The following CCNY variants were observed in gnomAD, a reference collection of about 807,000 sequenced individuals.
CCNY encodes the protein cyclin Y.
A neutral mutation model predicts 42.8 loss-of-function variants in CCNY; 19 were observed. That is an observed-to-expected ratio of 0.44 (90% CI 0.31 to 0.65). The LOEUF (loss-of-function observed/expected upper bound fraction) is 0.65. Among genes scored for constraint, CCNY ranks in the 30% least tolerant of loss-of-function variants. The pLI is 0.07. For missense variants in CCNY, 370 were observed against 437.3 expected (o/e 0.85, Z 1.37); for synonymous variants, 165 against 162.7 (o/e 1.01, Z -0.11).
intron 1 of CCNY, chr10:35,449,712 G>T (rs1205869738): frequency 1.0e-6 from 1 of 982,906 alleles, no homozygotes; most frequent in Non-Finnish European, 1.2e-6. Flanking sequence ...GGGACCACAG[G>T]TCAGAGAGGT....
intron 1 of CCNY, among the ~76,000 whole-genome samples, chr10:35,369,808 A>G (rs1031763883): frequency 1.3e-5 from 2 of 152,212 alleles, no homozygotes; most frequent in African/African-American, 4.8e-5. Flanking sequence ...TTAATTTCTA[A>G]TCAATATTTT....
At chr10:35,458,125 C>T (rs957145697) in intron 1 of CCNY, among the ~76,000 whole-genome samples, 1 of 152,188 alleles carries the variant, frequency 6.6e-6, no homozygotes, top group Non-Finnish European at 1.5e-5. Flanking sequence ...TTTGTGTTTT[C>T]CTACAAGCTG....
At chr10:35,463,455 CAGAA>C (rs1360442460) in intron 1 of CCNY, among the ~76,000 whole-genome samples, 1 of 152,074 alleles carries the variant, frequency 6.6e-6, no homozygotes, top group Non-Finnish European at 1.5e-5. Flanking sequence ...CTGAATCTGA[CAGAA>C]GGAAGAGTCA....
At chr10:35,312,747 CTTTTTTTTT>C (rs10688043) in intron 3 of CCNY, among the ~76,000 whole-genome samples, 2 of 112,158 alleles carry the variant, frequency 1.8e-5, no homozygotes, top group African/African-American at 3.5e-5. Flanking sequence ...TTCCTTTTTA[CTTTTTTTTT>C]TTTTTTTTTT....
intron 1 of CCNY, among the ~76,000 whole-genome samples, chr10:35,355,267 A>G (rs1039219893): frequency 1.3e-5 from 2 of 152,228 alleles, no homozygotes; most frequent in South Asian, 2.1e-4. Context: ...TCTCAAATAT[A>G]TATTTTTAAA....
intron 3 of CCNY, among the ~76,000 whole-genome samples, chr10:35,310,757 T>C (rs913187392): frequency 1.3e-5 from 2 of 152,222 alleles, no homozygotes; most frequent in Non-Finnish European, 2.9e-5. Context: ...GCAGTCTTAA[T>C]ATATGTATAG....
At chr10:35,418,008 A>G (rs1838063358) in intron 1 of CCNY, among the ~76,000 whole-genome samples, 2 of 152,224 alleles carry the variant, frequency 1.3e-5, no homozygotes, top group African/African-American at 4.8e-5. Flanking sequence ...GCCTTTTGGA[A>G]TATGTCTCCT....
intron 1 of CCNY, among the ~76,000 whole-genome samples, chr10:35,465,506 T>A (rs979975582): frequency 3.0e-4 from 46 of 152,204 alleles, no homozygotes; most frequent in African/African-American, 1.1e-3. Flanking sequence ...ACTGTTGAGA[T>A]GTCATCAGTG....
At chr10:35,506,141 A>G (rs1024489145) in intron 3 of CCNY, among the ~76,000 whole-genome samples, 3 of 152,252 alleles carry the variant, frequency 2.0e-5, no homozygotes, top group Admixed American at 6.5e-5. Flanking sequence ...CATCAATGCC[A>G]TATGCTTGGA....
chr10:35,550,874 C>A (rs935361156), intron 7 of CCNY, among the ~76,000 whole-genome samples: 5 of 152,108 alleles, frequency 3.3e-5, no homozygotes, highest in Non-Finnish European at 7.4e-5. Flanking sequence ...GTTCTTAAGC[C>A]TCCCCCAGGT....
intron 3 of CCNY, among the ~76,000 whole-genome samples, chr10:35,319,574 ATTCAAG>A (rs1835798285): frequency 6.6e-6 from 1 of 152,166 alleles, no homozygotes. Flanking sequence ...AACCATAGTG[ATTCAAG>A]AAACTAGAAA....
intron 1 of CCNY, among the ~76,000 whole-genome samples, chr10:35,438,443 A>G (rs879459803): frequency 6.6e-6 from 1 of 152,174 alleles, no homozygotes; most frequent in Non-Finnish European, 1.5e-5. Flanking sequence ...GTCATGAGCC[A>G]TCATGCTTGG....
At chr10:35,413,910 G>A (rs1400690351) in intron 1 of CCNY, among the ~76,000 whole-genome samples, 4 of 152,154 alleles carry the variant, frequency 2.6e-5, no homozygotes, top group East Asian at 3.9e-4. Context: ...CGGGCACGTC[G>A]CTTTTGCCCC....
At chr10:35,387,591 A>G (rs541656488) in intron 1 of CCNY, among the ~76,000 whole-genome samples, 2 of 152,310 alleles carry the variant, frequency 1.3e-5, no homozygotes, top group East Asian at 3.9e-4. Context: ...AATCCACAAA[A>G]GGGAGGAGGG....
chr10:35,554,984 A>T (rs1013333190), intron 8 of CCNY, among the ~76,000 whole-genome samples: 2 of 152,244 alleles, frequency 1.3e-5, no homozygotes, highest in Non-Finnish European at 2.9e-5. Context: ...TTTTCATGGA[A>T]ACTTAAGATC....
chr10:35,448,783 T>C (rs945735545), intron 1 of CCNY, among the ~76,000 whole-genome samples: 1 of 152,000 alleles, frequency 6.6e-6, no homozygotes, highest in Non-Finnish European at 1.5e-5. Context: ...CTGTGAGTAC[T>C]TTGCACTCTA....
At chr10:35,524,567 G>A (rs955872216) in intron 4 of CCNY, among the ~76,000 whole-genome samples, 158 of 152,316 alleles carry the variant, frequency 1.0e-3, no homozygotes, top group African/African-American at 3.6e-3. Context: ...ACCCTGAGAG[G>A]ATCAGAACAC....
intron 1 of CCNY, among the ~76,000 whole-genome samples, chr10:35,366,832 T>C (rs1341800804): frequency 6.6e-6 from 1 of 152,222 alleles, no homozygotes; most frequent in East Asian, 1.9e-4. Context: ...AAGAACTGAA[T>C]TTTAAATCTT....
At chr10:35,499,867 C>A (rs767648766) in intron 2 of CCNY, among the ~76,000 whole-genome samples, 1 of 152,182 alleles carries the variant, frequency 6.6e-6, no homozygotes, top group Non-Finnish European at 1.5e-5. Context: ...ATCATCATAT[C>A]CCCATCCTTG....
Sources: allele counts gnomAD v4.1 joint callset (sites outside exome capture counted in the v4.1 genomes callset), GRCh38; gene constraint gnomAD v4.1.1; transcripts MANE v1.5; gene names NCBI Gene and HGNC (gene_info 2026-07-23, HGNC 2026-07-21).